The following CNTN6 variants were observed in gnomAD, a reference collection of about 807,000 sequenced individuals.
The protein encoded by CNTN6 is contactin-6.
CNTN6 carries 137 observed loss-of-function variants against 122.8 expected under a neutral mutation model. The ratio of observed to expected loss-of-function variants is 1.12; its 90% CI spans 0.97 to 1.29. CNTN6 has a LOEUF of 1.29. CNTN6 is among the 50% of genes most tolerant of loss of function. The probability of loss-of-function intolerance (pLI) is 0.00; values close to 1 mark genes in which losing one functional copy is unlikely to be tolerated. For missense variants in CNTN6, 1,634 were observed against 1,223.4 expected (o/e 1.34, Z -5.01); for synonymous variants, 570 against 426.0 (o/e 1.34, Z -4.16).
At chr3:1,309,476 A>T (rs149776262) in intron 7 of CNTN6, among the ~76,000 whole-genome samples, 1 of 152,254 alleles carries the variant, frequency 6.6e-6, no homozygotes, top group Non-Finnish European at 1.5e-5. Flanking sequence ...CTTTTGTTCC[A>T]TTGCTCTGTC....
intron 1 of CNTN6, among the ~76,000 whole-genome samples, chr3:1,096,457 A>C (rs544533660): frequency 6.6e-6 from 1 of 152,098 alleles, no homozygotes; most frequent in African/African-American, 2.4e-5. Context: ...TTTCTTCAGG[A>C]TCACCAATTT....
chr3:1,332,904 G>C (rs977758399), intron 11 of CNTN6, among the ~76,000 whole-genome samples: 4 of 151,952 alleles, frequency 2.6e-5, no homozygotes, highest in Non-Finnish European at 5.9e-5. Flanking sequence ...TGACAGAACA[G>C]ATCCTAAATC....
intron 9 of CNTN6, among the ~76,000 whole-genome samples, chr3:1,326,588 A>G (rs544240573): frequency 6.6e-6 from 1 of 152,000 alleles, no homozygotes; most frequent in African/African-American, 2.4e-5. Flanking sequence ...CATTTAAAGC[A>G]TACTTTCTTC....
At chr3:1,245,211 T>TC (rs2094545432) in intron 4 of CNTN6, among the ~76,000 whole-genome samples, 1 of 22,354 alleles carries the variant, frequency 4.5e-5, no homozygotes, top group Non-Finnish European at 7.2e-5. Context: ...TATATATATA[T>TC]ATATATATAT....
intron 7 of CNTN6, among the ~76,000 whole-genome samples, chr3:1,320,166 A>T (rs1700650918): frequency 6.6e-6 from 1 of 151,718 alleles, no homozygotes; most frequent in African/African-American, 2.4e-5. Flanking sequence ...AAGGACAAAA[A>T]CTTAGTATAT....
chr3:1,330,940 T>G (rs1370261612), intron 11 of CNTN6, among the ~76,000 whole-genome samples: 1 of 151,898 alleles, frequency 6.6e-6, no homozygotes, highest in South Asian at 2.1e-4. Context: ...ACTTCCAATG[T>G]TTCAGAGAAA....
At chr3:1,175,786 G>A (rs1219740005) in intron 2 of CNTN6, among the ~76,000 whole-genome samples, 1 of 147,360 alleles carries the variant, frequency 6.8e-6, no homozygotes, top group Non-Finnish European at 1.5e-5. Context: ...GCAATAGTGT[G>A]ATGCGGGACT....
At chr3:1,098,787 C>CATATATATTATATAT (rs1241583874) in intron 1 of CNTN6, among the ~76,000 whole-genome samples, 1 of 55,692 alleles carries the variant, frequency 1.8e-5, no homozygotes, top group Non-Finnish European at 2.9e-5. Context: ...CACACACACA[C>CATATATATTATATAT]ACATATATAT....
chr3:1,299,333 GAT>G (rs1214148463), intron 7 of CNTN6, among the ~76,000 whole-genome samples: 1 of 151,936 alleles, frequency 6.6e-6, no homozygotes, highest in Non-Finnish European at 1.5e-5. Flanking sequence ...TTGATAATTA[GAT>G]AATTAATTTT....
At chr3:1,242,808 C>T (rs1189731984) in intron 4 of CNTN6, among the ~76,000 whole-genome samples, 1 of 151,722 alleles carries the variant, frequency 6.6e-6, no homozygotes, top group Non-Finnish European at 1.5e-5. Flanking sequence ...GTGGGGATAA[C>T]TAAAAAAGAG....
At chr3:1,394,239 C>T in intron 20 of CNTN6, 1 of 241,818 alleles carries the variant, frequency 4.1e-6, no homozygotes, top group Non-Finnish European at 8.2e-6. Flanking sequence ...TAGTGCCAGC[C>T]CCACTGCCAG....
intron 4 of CNTN6, among the ~76,000 whole-genome samples, chr3:1,273,083 C>G (rs2095052456): frequency 1.3e-5 from 2 of 152,090 alleles, no homozygotes; most frequent in South Asian, 4.1e-4. Context: ...ATACTCCTGC[C>G]AAATGCTTCC....
intron 2 of CNTN6, among the ~76,000 whole-genome samples, chr3:1,154,426 A>C (rs1368411483): frequency 7.0e-6 from 1 of 141,962 alleles, no homozygotes; most frequent in East Asian, 2.3e-4. Flanking sequence ...AGGATTCATA[A>C]TATTTTTCTT....
rs548432859 is a variant in CNTN6, at chr3:1,175,622, C to G, written c.55+27559C>G. Among the ~76,000 whole-genome samples, 4 of 152,264 alleles carry G rather than the reference C, an allele frequency of 2.6e-5. No individual in the cohort carries two copies. The South Asian group carries it at 6.2e-4, about 24-fold the overall frequency. On this transcript the variant is annotated intron_variant, in intron 2 of 22. Transcript: ENST00000446702. ...TATGAAGTTATTAAAGACTTTCTAG[C>G]TGCAAGAGGGCAGTAGAGCAGGAGA... is the stretch of plus-strand genomic sequence containing the variant.
At chr3:1,116,906 T>C (rs1276338079) in intron 1 of CNTN6, among the ~76,000 whole-genome samples, 1 of 152,066 alleles carries the variant, frequency 6.6e-6, no homozygotes, top group Non-Finnish European at 1.5e-5. Context: ...GGTTTCGCCA[T>C]GTTGGCTGGG....
In CNTN6 at chr3:1,374,005, T is replaced by A. The variant is rs777994053; in HGVS notation, c.2027T>A (p.Val676Asp). The A allele has an allele frequency of 5.6e-6, 9 of 1,613,320 alleles. No individual in the cohort carries two copies. Among genetic ancestry groups the A allele is most frequent in the South Asian group, 2.2e-5 (2 of 91,060 alleles). Residue 676 changes from valine (V) to aspartate (D), a missense_variant, in exon 16 of 23, where the codon GTT (valine) becomes GAT (aspartate). By Grantham distance (152) the Val-to-Asp change is radical. Transcript: ENST00000446702. Reference sequence around the variant, plus strand: ...TGGGTGGAATATGAATTTCGTGTTGTTGCCGGCAACAGCATTGGGATTGGA... The same window carrying A: ...TGGGTGGAATATGAATTTCGTGTTGATGCCGGCAACAGCATTGGGATTGGA... ...SPWVEYEFRV[V>D]AGNSIGIGEP...
intron 9 of CNTN6, 57 bp from the exon 10 acceptor site, chr3:1,327,400 G>A: frequency 6.5e-7 from 1 of 1,535,530 alleles, no homozygotes; most frequent in Non-Finnish European, 9.0e-7. Flanking sequence ...ACATATCCTG[G>A]TTAAGAGAAT....
At position 1,325,849 on chromosome 3, in the gene CNTN6, A is replaced by G. The variant is rs766165382; in HGVS notation, c.981A>G (p.Thr327=). ...PPEWEQKIQN[T]HLSIYDNLLW... ...AATGGGAACAGAAAATCCAAAATAC[A>G]CACCTCTCTATCTATGACAACTTGC... The change falls in exon 9 of 23, where the codon ACA becomes ACG. Residue 327 remains threonine, a synonymous_variant. Transcript: ENST00000446702. 6.2e-7 allele frequency: 1 copy of G among 1,611,834 alleles called. No homozygotes were observed. Among genetic ancestry groups the G allele is most frequent in the Non-Finnish European group, 8.5e-7 (1 of 1,178,640 alleles).
chr3:1,212,117 G>A (rs1478495722), intron 2 of CNTN6, among the ~76,000 whole-genome samples: 1 of 152,062 alleles, frequency 6.6e-6, no homozygotes, highest in Non-Finnish European at 1.5e-5. Flanking sequence ...AGATAATGGA[G>A]GAAGAAAGGT....
Sources: gnomAD v4.1 joint callset for allele counts (sites outside exome capture counted in the v4.1 genomes callset) on GRCh38, gnomAD v4.1.1 for gene constraint, MANE v1.5 for transcripts, NCBI Gene and HGNC (gene_info 2026-07-23, HGNC 2026-07-21) for gene names.